Variants in APOL1 observed in about 807,000 individuals in gnomAD.
APOL1 encodes apolipoprotein L 1.
Under a neutral mutation model 14.9 loss-of-function variants are expected in APOL1, and 17 were observed. That is an observed-to-expected ratio of 1.14 (90% CI 0.78 to 1.71). APOL1 has a LOEUF of 1.71. Ranked by LOEUF, APOL1 falls within the 40% of genes most tolerant of loss-of-function variation. The probability of loss-of-function intolerance (pLI) is 0.00; values close to 1 mark genes in which losing one functional copy is unlikely to be tolerated. For missense variants in APOL1, 523 were observed against 485.9 expected (o/e 1.08, Z -0.72); for synonymous variants, 195 against 184.8 (o/e 1.05, Z -0.45).
Position 36,265,807 on chromosome 22 carries a change from C to G in APOL1, c.971C>G (p.Pro324Arg). ...GAACAGGTGGAGAGGGTTAATGAACCCAGCATCCTGGAAATGAGCAGAGGA... is the reference window on the plus strand; with the variant it reads ...GAACAGGTGGAGAGGGTTAATGAACGCAGCATCCTGGAAATGAGCAGAGGA... ...SGEQVERVNE[P>R]SILEMSRGVK... Residue 324 changes from proline to arginine, a missense_variant, in exon 6 of 6, where the codon CCC becomes CGC. By Grantham distance (103) the Pro-to-Arg change is moderately radical (BLOSUM62 -2). Transcript: ENST00000397278. 2 of 1,614,108 alleles carry G rather than the reference C, an allele frequency of 1.2e-6. No homozygotes were observed. Among genetic ancestry groups the G allele is most frequent in the Non-Finnish European group, 1.7e-6 (2 of 1,180,036 alleles).
In APOL1 at chr22:36,261,728, C is replaced by G. The variant is rs376102138; in HGVS notation, c.314+6C>G. The G allele has an allele frequency of 1.1e-5, 18 of 1,613,206 alleles. No individual in the cohort carries two copies. The Middle Eastern group carries it at 9.9e-4, about 88-fold the overall frequency. On this transcript the variant is annotated splice_donor_region_variant and intron_variant, in intron 5 of 5. Transcript: ENST00000397278. ...GCTGCTGCTGAACTGCCCAGGTAAG[C>G]TCCATGGGGTTACCTCCATTGGGCA...
Position 36,265,102 on chromosome 22 carries a change from C to T in APOL1, c.315-49C>T, listed in dbSNP as rs572518528. 360 of 1,604,896 alleles carry T rather than the reference C, an allele frequency of 2.2e-4. 2 individuals are homozygous for T. The African/African-American group carries it at 4.3e-3, about 19-fold the overall frequency. The stretch of plus-strand genomic sequence containing the variant: ...CTGGGATTACAGGTGTGAGCCACCA[C>T]ACCGAGCCAAAACTGCATTTCTTAA... On this transcript the variant is annotated intron_variant, in intron 5 of 5. Coordinates refer to ENST00000397278, the MANE Select transcript of APOL1 (RefSeq NM_003661.4).
In APOL1 at chr22:36,257,128, T is replaced by A. The variant is rs1569533819; in HGVS notation, c.90T>A (p.Ala30=). 1 of 1,614,168 alleles carries A rather than the reference T, an allele frequency of 6.2e-7. No individual in the cohort carries two copies. Among genetic ancestry groups the A allele is most frequent in the Non-Finnish European group, 8.5e-7 (1 of 1,180,012 alleles). Residue 30 remains alanine, a synonymous_variant, in exon 3 of 6, where the codon GCT becomes GCA. Transcript: ENST00000397278. ...GTGTGGGAGTGAGGGCAGAGGAAGCTGGAGCGAGGTGAGTGTCTGCAAATA... is the reference window on the plus strand; with the variant it reads ...GTGTGGGAGTGAGGGCAGAGGAAGCAGGAGCGAGGTGAGTGTCTGCAAATA... ...FLGVGVRAEE[A]GARVQQNVPS...
intron 2 of APOL1, among the ~76,000 whole-genome samples, chr22:36,256,460 T>G (rs2015881905): frequency 6.6e-6 from 1 of 152,226 alleles, no homozygotes; most frequent in Non-Finnish European, 1.5e-5. Flanking sequence ...CTGAGGTCCA[T>G]CAGCTAGGGA....
At position 36,261,695 on chromosome 22, in the gene APOL1, G is replaced by A; in HGVS notation, c.287G>A (p.Gly96Glu). 1 of 1,614,064 alleles carries A rather than the reference G, an allele frequency of 6.2e-7. No individual in the cohort carries two copies. The highest frequency in any genetic ancestry group is 8.5e-7 in the Non-Finnish European group (1 of 1,179,950). ...LLLTDNEAWN[G>E]FVAAAELPRN... ...CTGACTGATAATGAGGCCTGGAACG[G>A]ATTCGTGGCTGCTGCTGAACTGCCC... Residue 96 changes from glycine (G) to glutamate (E), a missense_variant, in exon 5 of 6, where the codon GGA becomes GAA. Transcript: ENST00000397278.
intron 5 of APOL1, among the ~76,000 whole-genome samples, chr22:36,263,828 G>A (rs148761487): frequency 0.015 from 2,277 of 152,284 alleles, 33 homozygotes; most frequent in Non-Finnish European, 0.024. Context: ...GGGTGGGGGC[G>A]GGAGATGGAA....
At chr22:36,256,847 T>C (rs929539991) in intron 2 of APOL1, among the ~76,000 whole-genome samples, 2 of 152,210 alleles carry the variant, frequency 1.3e-5, no homozygotes, top group African/African-American at 2.4e-5. Flanking sequence ...GGGAAAGTGG[T>C]ACCCATCTCC....
intron 5 of APOL1, 27 bp from the exon 6 acceptor site, chr22:36,265,124 T>A: frequency 6.2e-7 from 1 of 1,611,966 alleles, no homozygotes. Flanking sequence ...ACTGCATTTC[T>A]TAATCCTTTA....
At chr22:36,257,883 C>G (rs542681837) in intron 4 of APOL1, among the ~76,000 whole-genome samples, 1 of 152,166 alleles carries the variant, frequency 6.6e-6, no homozygotes, top group Non-Finnish European at 1.5e-5. Context: ...TCTGAGTGGC[C>G]CTGTGGGAAT....
intron 1 of APOL1, chr22:36,253,852 G>A (rs1195225723): frequency 1.5e-6 from 2 of 1,352,932 alleles, no homozygotes; most frequent in African/African-American, 2.9e-5. Context: ...CTGGGGTGAT[G>A]GAGAAGAAAC....
At chr22:36,253,864 G>A in intron 1 of APOL1, 1 of 1,445,924 alleles carries the variant, frequency 6.9e-7, no homozygotes, top group South Asian at 1.1e-5. Flanking sequence ...AGAAGAAACA[G>A]GCTGTGCTGT....
intron 4 of APOL1, among the ~76,000 whole-genome samples, chr22:36,258,049 C>A (rs192909929): frequency 3.9e-5 from 6 of 152,208 alleles, no homozygotes; most frequent in African/African-American, 1.4e-4. Context: ...AACACGGCTA[C>A]CTGGCCTGGC....
chr22:36,267,487 A>C lies in APOL1; in HGVS notation c.*1454A>C, dbSNP rs937349310. On this transcript the variant is annotated 3_prime_UTR_variant, in exon 6 of 6. Transcript: ENST00000397278. ...GCTGTCTTGTCGCCGCCCAGGATTG[A>C]CCTGTGTGTAAGTCCCAATAAACTC... 3 of 146,156 alleles carry C rather than the reference A, an allele frequency of 2.1e-5. No homozygotes were observed. The highest frequency in any genetic ancestry group is 2.0e-4 in the Admixed American group (3 of 14,802). The allele number at this position is 146,156 out of a possible 1,614,324, so 9.1% of individuals were successfully genotyped here.
chr22:36,253,938 G>A, intron 1 of APOL1: 2 of 1,614,184 alleles, frequency 1.2e-6, no homozygotes, highest in Non-Finnish European at 1.7e-6. Context: ...AATGGTGCCT[G>A]TGGCATGATG....
chr22:36,266,524 A>C lies in APOL1; in HGVS notation c.*491A>C, dbSNP rs2016266464. On this transcript the variant is annotated 3_prime_UTR_variant, in exon 6 of 6. Transcript: ENST00000397278. The stretch of plus-strand genomic sequence containing the variant: ...TGCAGATGGCAGTGCAGCAAGGAGA[A>C]GGCAGGAACATTGGAGCCTGCAATA... 2.5e-6 allele frequency: 1 copy of C among 400,154 alleles called. No individual in the cohort carries two copies. Among genetic ancestry groups the C allele is most frequent in the African/African-American group, 2.1e-5 (1 of 48,630 alleles). The allele number at this position is 400,154 out of a possible 1,614,324, so 24.8% of individuals were successfully genotyped here. A position where few individuals can be genotyped will look rare whatever the true frequency, so the allele number is the denominator to read the frequency against.
At position 36,267,426 on chromosome 22, in the gene APOL1, G is replaced by C. The variant is rs1340537770; in HGVS notation, c.*1393G>C. 2.0e-5 allele frequency: 3 copies of C among 152,278 alleles called. No individual in the cohort carries two copies. Among genetic ancestry groups the C allele is most frequent in the African/African-American group, 7.2e-5 (3 of 41,456 alleles). 9.4% of individuals were successfully genotyped at this position (152,278 alleles called of 1,614,324 possible). A position where few individuals can be genotyped will look rare whatever the true frequency, so the allele number is the denominator to read the frequency against. On this transcript the variant is annotated 3_prime_UTR_variant, in exon 6 of 6. Transcript: ENST00000397278. ...AAACAGTCAGAAAATTAGCATGAAAGCAGTTTAGCATTGGGAGGAAGCTCA... is the reference window on the plus strand; with the variant it reads ...AAACAGTCAGAAAATTAGCATGAAACCAGTTTAGCATTGGGAGGAAGCTCA...
In APOL1 at chr22:36,267,189, C is replaced by T. The variant is rs1014798415; in HGVS notation, c.*1156C>T. On this transcript the variant is annotated 3_prime_UTR_variant, in exon 6 of 6. Coordinates refer to ENST00000397278, the MANE Select transcript of APOL1 (RefSeq NM_003661.4). Reference sequence around the variant, plus strand: ...GCATATCTCAGTCAGGCAGCGGCTTCCTGATGATGGTCATTGGGGTGGTTG... The same window carrying T: ...GCATATCTCAGTCAGGCAGCGGCTTTCTGATGATGGTCATTGGGGTGGTTG... 1 of 152,448 alleles carries T rather than the reference C, an allele frequency of 6.6e-6. No individual in the cohort carries two copies. The highest frequency in any genetic ancestry group is 1.5e-5 in the Non-Finnish European group (1 of 68,290). The allele number at this position is 152,448 out of a possible 1,614,324, so 9.4% of individuals were successfully genotyped here.
chr22:36,262,268 A>G (rs2016100101), intron 5 of APOL1, among the ~76,000 whole-genome samples: 1 of 152,120 alleles, frequency 6.6e-6, no homozygotes. Context: ...GAATTCCATA[A>G]ACACGGCAGG....
Position 36,267,508 on chromosome 22 carries a change from A to G in APOL1, c.*1475A>G, listed in dbSNP as rs1374294542. On this transcript the variant is annotated 3_prime_UTR_variant, in exon 6 of 6. Coordinates refer to ENST00000397278, the MANE Select transcript of APOL1 (RefSeq NM_003661.4). Reference sequence around the variant, plus strand: ...ATTGACCTGTGTGTAAGTCCCAATAAACTCACCTACTCATCAAGCTGGACT... The same window carrying G: ...ATTGACCTGTGTGTAAGTCCCAATAGACTCACCTACTCATCAAGCTGGACT... 6.6e-6 allele frequency: 1 copy of G among 152,070 alleles called. No homozygotes were observed. Among genetic ancestry groups the G allele is most frequent in the African/African-American group, 2.4e-5 (1 of 41,378 alleles). The allele number at this position is 152,070 out of a possible 1,614,324, so 9.4% of individuals were successfully genotyped here. A position where few individuals can be genotyped will look rare whatever the true frequency, so the allele number is the denominator to read the frequency against.
Sources: gnomAD v4.1 joint callset for allele counts (sites outside exome capture counted in the v4.1 genomes callset) on GRCh38, gnomAD v4.1.1 for gene constraint, MANE v1.5 for transcripts, NCBI Gene and HGNC (gene_info 2026-07-23, HGNC 2026-07-21) for gene names.